The following OXR1 variants were observed in gnomAD, a reference collection of about 807,000 sequenced individuals.
The protein encoded by OXR1 is oxidation resistance 1.
OXR1 carries 41 observed loss-of-function variants against 104.6 expected under a neutral mutation model. The observed-to-expected ratio is 0.39, with a 90% confidence interval of 0.31 to 0.51. The LOEUF is 0.51. Ranked by LOEUF, OXR1 falls within the 20% of genes least tolerant of loss-of-function variation. The pLI is 0.77. For synonymous variants in OXR1, 348 were observed against 348.4 expected (o/e 1.00, Z 0.01); for missense variants, 955 against 1,031.9 (o/e 0.93, Z 1.02).
chr8:106,611,906 T>G (rs185071139), intron 3 of OXR1, among the ~76,000 whole-genome samples: 71 of 151,234 alleles, frequency 4.7e-4, no homozygotes, highest in African/African-American at 1.6e-3. Context: ...ATACTTTTAA[T>G]TTCTATACCT....
Position 106,706,409 on chromosome 8 carries a change from C to T in OXR1, c.888C>T (p.Asp296=), listed in dbSNP as rs1004548207. 6 of 1,582,222 alleles carry T rather than the reference C, an allele frequency of 3.8e-6. No individual in the cohort carries two copies. In the South Asian group the frequency reaches 4.8e-5, roughly 13 times the overall value. Residue 296 remains aspartate (D), a synonymous_variant, in exon 9 of 17, where the codon GAC becomes GAT. Coordinates refer to ENST00000517566, the MANE Select transcript of OXR1 (RefSeq NM_001198533.2). ...PIDIDQLSGR[D]FCHSKKMTGS... is the part of the protein sequence containing the mutation. Reference sequence around the variant, plus strand: ...ATATAGATCAGCTATCAGGAAGGGACTTCTGCCATTCAAAGAAAATGACAG... The same window carrying T: ...ATATAGATCAGCTATCAGGAAGGGATTTCTGCCATTCAAAGAAAATGACAG...
chr8:106,351,877 A>T (rs1376066514), intron 1 of OXR1, among the ~76,000 whole-genome samples: 1 of 152,186 alleles, frequency 6.6e-6, no homozygotes, highest in Non-Finnish European at 1.5e-5. Flanking sequence ...TTATTACTAC[A>T]TCTAATATTC....
In OXR1 at chr8:106,413,372, T is replaced by A. The variant is rs568563640; in HGVS notation, c.23+53736T>A. ...CGATCCCTTGCCATACTCACTGTGA[T>A]GTGCTAATGTATGTGCTAGTATTTT... On this transcript the variant is annotated intron_variant, in intron 2 of 16. Coordinates refer to ENST00000517566, the MANE Select transcript of OXR1 (RefSeq NM_001198533.2). 2.0e-5 allele frequency among the ~76,000 whole-genome samples: 3 copies of A among 152,278 alleles called. No homozygotes were observed. The South Asian group carries it at 6.2e-4, about 32-fold the overall frequency.
At chr8:106,302,023 G>A (rs1007701925) in intron 1 of OXR1, among the ~76,000 whole-genome samples, 3 of 152,062 alleles carry the variant, frequency 2.0e-5, no homozygotes, top group African/African-American at 7.2e-5. Context: ...CTGATAATAG[G>A]GATAAGAAAG....
At chr8:106,358,593 A>G (rs1483639910) in intron 1 of OXR1, among the ~76,000 whole-genome samples, 4 of 152,226 alleles carry the variant, frequency 2.6e-5, no homozygotes, top group African/African-American at 9.7e-5. Context: ...GATATGCTCA[A>G]TAGGTATTTG....
chr8:106,577,792 G>A (rs1817962424), intron 3 of OXR1, among the ~76,000 whole-genome samples: 2 of 152,110 alleles, frequency 1.3e-5, no homozygotes, highest in South Asian at 4.1e-4. Flanking sequence ...GCCAGTAGGG[G>A]GCTCCAGAAG....
chr8:106,458,002 T>A (rs1440344204), intron 2 of OXR1, among the ~76,000 whole-genome samples: 1 of 151,884 alleles, frequency 6.6e-6, no homozygotes, highest in Non-Finnish European at 1.5e-5. Flanking sequence ...AGCTAAAAAA[T>A]AAGAACAGAA....
chr8:106,684,631 A>G (rs1457242593), intron 6 of OXR1, among the ~76,000 whole-genome samples: 1 of 152,170 alleles, frequency 6.6e-6, no homozygotes, highest in African/African-American at 2.4e-5. Context: ...TTAACTTACA[A>G]AGGAATCTTA....
chr8:106,589,340 C>CT (rs71562109), intron 3 of OXR1, among the ~76,000 whole-genome samples: 4,187 of 137,040 alleles, frequency 0.031, 101 homozygotes, highest in East Asian at 0.067. Context: ...GCCCTGGAGC[C>CT]TTTTTTTTTT....
intron 2 of OXR1, among the ~76,000 whole-genome samples, chr8:106,402,072 G>C (rs1296021425): frequency 3.3e-5 from 5 of 152,170 alleles, no homozygotes; most frequent in African/African-American, 4.8e-5. Context: ...CTGTATACCA[G>C]GTACTAGGGG....
intron 2 of OXR1, among the ~76,000 whole-genome samples, chr8:106,454,069 A>G (rs1335700239): frequency 6.6e-6 from 1 of 152,236 alleles, no homozygotes; most frequent in African/African-American, 2.4e-5. Context: ...CATAAGAAAA[A>G]TACATTGGTT....
At chr8:106,536,988 A>G (rs1586776154) in intron 3 of OXR1, among the ~76,000 whole-genome samples, 1 of 152,168 alleles carries the variant, frequency 6.6e-6, no homozygotes, top group East Asian at 1.9e-4. Flanking sequence ...GGTGGTTTAA[A>G]CAATGAATGT....
At chr8:106,658,318 G>A (rs1228668314) in intron 3 of OXR1, 3 of 1,087,400 alleles carry the variant, frequency 2.8e-6, no homozygotes, top group Non-Finnish European at 3.5e-6. Context: ...CGGGCAACGT[G>A]GCCGGGGTGG....
At position 106,737,545 on chromosome 8, in the gene OXR1, G is replaced by T. The variant is rs528049194; in HGVS notation, c.1982G>T (p.Arg661Leu). The T allele has an allele frequency of 5.2e-6, 7 of 1,338,582 alleles. No individual in the cohort carries two copies. In the African/African-American group the frequency reaches 1.1e-4, roughly 21 times the overall value. 82.9% of individuals were successfully genotyped at this position (1,338,582 alleles called of 1,614,324 possible). A position where few individuals can be genotyped will look rare whatever the true frequency, so the allele number is the denominator to read the frequency against. Residue 661 changes from arginine to leucine, a missense_variant, in exon 12 of 17, where the codon CGC (arginine) becomes CTC (leucine). Physicochemically the swap from Arg to Leu is moderately radical, Grantham distance 102 (BLOSUM62 -2). Around this residue, in one of 2 missense-constraint regions of OXR1, gnomAD observed 849 missense variants for 852.9 expected, o/e 1.00. Transcript: ENST00000517566. The stretch of plus-strand genomic sequence containing the variant: ...GTAGTGTCAGTGGCTGAGTATCACC[G>T]CAGGATCGATGCTCTAAATACTGAA... Reference protein sequence around the residue: ...WEVVSVAEYHRRIDALNTEEL... With the variant: ...WEVVSVAEYHLRIDALNTEEL...
intron 16 of OXR1, 152 bp from the exon 17 acceptor site, chr8:106,750,654 G>A (rs547107295): frequency 1.8e-6 from 1 of 568,160 alleles, no homozygotes; most frequent in Admixed American, 3.7e-5. Context: ...TAATGGAATA[G>A]GAGTAAAACA....
intron 1 of OXR1, among the ~76,000 whole-genome samples, chr8:106,328,379 GT>G (rs1814567363): frequency 6.6e-6 from 1 of 152,184 alleles, no homozygotes; most frequent in Admixed American, 6.5e-5. Flanking sequence ...AAATTCCAGT[GT>G]GGGTTAGTTT....
rs539141796 is a variant in OXR1, at chr8:106,628,909, G to A, written c.221-50301G>A. ...AACAGACTCCAAGGATAATTTTAAA[G>A]TATGTGGGCTCTCTCTTTTCTCACA... On this transcript the variant is annotated intron_variant, in intron 3 of 16. Coordinates refer to ENST00000517566, the MANE Select transcript of OXR1 (RefSeq NM_001198533.2). Among the ~76,000 whole-genome samples, 8 of 152,300 alleles carry A rather than the reference G, an allele frequency of 5.3e-5. No homozygotes were observed. The East Asian group carries it at 1.5e-3, about 29-fold the overall frequency.
At position 106,360,811 on chromosome 8, in the gene OXR1, G is replaced by A. The variant is rs185822003; in HGVS notation, c.23+1175G>A. ...TTGAGCTCCTGGGAGACCTTGACAC[G>A]TTTCCTTAAAGGAATTATACTCCTG... On this transcript the variant is annotated intron_variant, in intron 2 of 16. Transcript: ENST00000517566. Among the ~76,000 whole-genome samples the A allele has an allele frequency of 3.9e-5, 6 of 152,200 alleles. No homozygotes were observed. In the East Asian group the frequency reaches 1.2e-3, roughly 29 times the overall value.
chr8:106,382,630 C>A (rs1817194340), intron 2 of OXR1, among the ~76,000 whole-genome samples: 1 of 148,476 alleles, frequency 6.7e-6, no homozygotes, highest in Admixed American at 6.8e-5. Context: ...AGGGTCCCGG[C>A]AATCCGGTAT....
Sources: gnomAD v4.1 joint callset for allele counts (sites outside exome capture counted in the v4.1 genomes callset) on GRCh38, gnomAD v4.1.1 for gene constraint, gnomAD v4.1.1 regional missense constraint, MANE v1.5 for transcripts, NCBI Gene and HGNC (gene_info 2026-07-23, HGNC 2026-07-21) for gene names.